The following OSBPL11 variants were observed in gnomAD, a reference collection of about 807,000 sequenced individuals.
OSBPL11 encodes oxysterol-binding protein-related protein 11.
A neutral mutation model predicts 84.4 loss-of-function variants in OSBPL11; 33 were observed. The observed-to-expected ratio is 0.39, with a 90% CI of 0.30 to 0.52. The LOEUF is 0.52. Ranked by LOEUF, OSBPL11 falls within the 20% of genes least tolerant of loss-of-function variation. The pLI is 0.72. For missense variants in OSBPL11, 736 were observed against 901.1 expected, an observed-to-expected ratio of 0.82 and a Z score of 2.35; for synonymous variants, 276 against 310.2, an observed-to-expected ratio of 0.89 and a Z score of 1.16.
rs535899714 is a variant in OSBPL11, at chr3:125,531,580, C to T, written c.2178+281G>A. ...TACTGGGATTACAGGCATGAGCCAC[C>T]GAGCCCGGCCACCCCCTAGCTCATT... On this transcript the variant is annotated intron_variant, in intron 12 of 12. Coordinates refer to ENST00000296220, the MANE Select transcript of OSBPL11 (RefSeq NM_022776.5). 4.6e-5 allele frequency among the ~76,000 whole-genome samples: 7 copies of T among 152,164 alleles called. No homozygotes were observed. The South Asian group carries it at 8.3e-4, about 18-fold the overall frequency.
At chr3:125,572,785 A>C (rs1292653686) in intron 5 of OSBPL11, among the ~76,000 whole-genome samples, 1 of 149,220 alleles carries the variant, frequency 6.7e-6, no homozygotes, top group African/African-American at 2.4e-5. Context: ...CTTTATCAGC[A>C]GTATGAATAT....
At chr3:125,576,018 T>A (rs1936316336) in intron 5 of OSBPL11, among the ~76,000 whole-genome samples, 171 bp downstream of exon 5, 2 of 149,048 alleles carry the variant, frequency 1.3e-5, no homozygotes, top group South Asian at 4.4e-4. Context: ...TGAGGAAACT[T>A]AGGACACTAT....
At chr3:125,572,758 C>T (rs1186385955) in intron 5 of OSBPL11, among the ~76,000 whole-genome samples, 1 of 150,638 alleles carries the variant, frequency 6.6e-6, no homozygotes, top group Non-Finnish European at 1.5e-5. Context: ...GTATAAATTA[C>T]CCAGTCTCGG....
chr3:125,585,212 C>T (rs1388955339), intron 1 of OSBPL11, among the ~76,000 whole-genome samples: 1 of 152,154 alleles, frequency 6.6e-6, no homozygotes, highest in Non-Finnish European at 1.5e-5. Context: ...CTCACTGCAA[C>T]CTTCGCCTCT....
Position 125,557,651 on chromosome 3 carries a change from T to C in OSBPL11, c.1155+2728A>G, listed in dbSNP as rs927322277. On this transcript the variant is annotated intron_variant, in intron 8 of 12. Transcript: ENST00000296220. ...CCTCAGCTTCCCAAAGTGTTGGAAT[T>C]ATAGGTGTGAGCCATGGCACCCAGC... is the stretch of plus-strand genomic sequence containing the variant. 2.6e-5 allele frequency among the ~76,000 whole-genome samples: 4 copies of C among 151,898 alleles called. No homozygotes were observed. The South Asian group carries it at 8.3e-4, about 32-fold the overall frequency.
At chr3:125,540,983 A>G (rs1412827452) in intron 10 of OSBPL11, among the ~76,000 whole-genome samples, 1 of 152,250 alleles carries the variant, frequency 6.6e-6, no homozygotes, top group Non-Finnish European at 1.5e-5. Context: ...TTCCATAAAG[A>G]GCCAGAAAGT....
At chr3:125,537,818 CA>C (rs1310236068) in intron 11 of OSBPL11, among the ~76,000 whole-genome samples, 1 of 152,116 alleles carries the variant, frequency 6.6e-6, no homozygotes, top group Admixed American at 6.6e-5. Flanking sequence ...CAACCACTGT[CA>C]ACACATTTTG....
Position 125,560,376 on chromosome 3 carries a change from T to C in OSBPL11, c.1155+3A>G. 6.5e-7 allele frequency: 1 copy of C among 1,539,266 alleles called. No homozygotes were observed. The highest frequency in any genetic ancestry group is 8.8e-7 in the Non-Finnish European group (1 of 1,134,440). On this transcript the variant is annotated splice_donor_region_variant and intron_variant, in intron 8 of 12. Coordinates refer to ENST00000296220, the MANE Select transcript of OSBPL11 (RefSeq NM_022776.5). ...TCCATAGCCAGCTTATGCCATTACT[T>C]ACTCTTGTTAAATCCATGCCCAGCT...
intron 10 of OSBPL11, among the ~76,000 whole-genome samples, chr3:125,542,923 G>A (rs919955717): frequency 6.6e-6 from 1 of 152,106 alleles, no homozygotes; most frequent in Non-Finnish European, 1.5e-5. Context: ...GAGATTACAG[G>A]CATGAGCCAC....
At chr3:125,535,931 A>G in intron 11 of OSBPL11, among the ~76,000 whole-genome samples, 1 of 151,304 alleles carries the variant, frequency 6.6e-6, no homozygotes, top group African/African-American at 2.4e-5. Context: ...TCAGGAGTTC[A>G]AGACCAGCCT....
intron 1 of OSBPL11, among the ~76,000 whole-genome samples, chr3:125,592,929 C>CT (rs1201006147): frequency 6.6e-6 from 1 of 152,144 alleles, no homozygotes; most frequent in Non-Finnish European, 1.5e-5. Context: ...AAGTGTAAAT[C>CT]TTTGTCATCT....
chr3:125,579,036 G>T lies in OSBPL11; in HGVS notation c.413C>A (p.Thr138Lys). The change falls in exon 4 of 13, where the codon ACA becomes AAA. Residue 138 changes from threonine (T) to lysine (K), a missense_variant. This residue lies in a region of OSBPL11 where 43 missense variants were observed against 78.7 expected (regional missense o/e 0.55). Transcript: ENST00000296220. The stretch of plus-strand genomic sequence containing the variant: ...CCAGTGCTGTCGCTCTTTTGCATCT[G>T]TAGCTGTTAAAAGAATGTAAAAATT... ...ASGEQYKLRA[T>K]DAKERQHWVS... 1 of 1,583,322 alleles carries T rather than the reference G, an allele frequency of 6.3e-7. No homozygotes were observed. Among genetic ancestry groups the T allele is most frequent in the Non-Finnish European group, 8.6e-7 (1 of 1,162,694 alleles).
chr3:125,564,701 C>A (rs1373228612), intron 6 of OSBPL11, among the ~76,000 whole-genome samples: 2 of 150,276 alleles, frequency 1.3e-5, no homozygotes, highest in Non-Finnish European at 2.9e-5. Context: ...ATTGCCCATG[C>A]TGGAGTGCAG....
chr3:125,564,935 G>A (rs1428138006), intron 6 of OSBPL11, among the ~76,000 whole-genome samples: 3 of 152,188 alleles, frequency 2.0e-5, no homozygotes, highest in Non-Finnish European at 4.4e-5. Flanking sequence ...GATTACAGGC[G>A]TGAGCCACCA....
intron 6 of OSBPL11, 104 bp downstream of exon 6, chr3:125,567,290 C>CA: frequency 9.7e-7 from 1 of 1,031,256 alleles, no homozygotes. Context: ...GTTTTCTTCT[C>CA]CTTTTTTTAA....
rs1935535046 is a variant in OSBPL11 at position 125,530,119 on chromosome 3, A to G, written c.*396T>C. On this transcript the variant is annotated 3_prime_UTR_variant, in exon 13 of 13. Coordinates refer to ENST00000296220, the MANE Select transcript of OSBPL11 (RefSeq NM_022776.5). ...CAGTTATGGACAGAAAGAAAGACACAAACTCTGAAACGGAGACTTCACTTT... is the reference window on the plus strand; with the variant it reads ...CAGTTATGGACAGAAAGAAAGACACGAACTCTGAAACGGAGACTTCACTTT... The G allele has an allele frequency of 5.4e-6, 1 of 185,576 alleles. No homozygotes were observed. The highest frequency in any genetic ancestry group is 1.1e-5 in the Non-Finnish European group (1 of 87,008). The allele number at this position is 185,576 out of a possible 1,614,324, so 11.5% of individuals were successfully genotyped here.
chr3:125,558,742 A>T (rs1936030469), intron 8 of OSBPL11, among the ~76,000 whole-genome samples: 1 of 152,242 alleles, frequency 6.6e-6, no homozygotes, highest in Non-Finnish European at 1.5e-5. Context: ...AAGACAAATT[A>T]AGGCACACTA....
chr3:125,589,146 C>T (rs1426434097), intron 1 of OSBPL11, among the ~76,000 whole-genome samples: 1 of 151,902 alleles, frequency 6.6e-6, no homozygotes, highest in African/African-American at 2.4e-5. Flanking sequence ...GTCAGGAGTT[C>T]GAAATCAGCC....
chr3:125,588,876 A>G (rs914027726), intron 1 of OSBPL11, among the ~76,000 whole-genome samples: 6 of 152,314 alleles, frequency 3.9e-5, no homozygotes, highest in South Asian at 2.1e-4. Flanking sequence ...AAAAAATTCA[A>G]CTCGCAGACT....
Sources: gnomAD v4.1 joint callset for allele counts (sites outside exome capture counted in the v4.1 genomes callset) on GRCh38, gnomAD v4.1.1 for gene constraint, gnomAD v4.1.1 regional missense constraint, MANE v1.5 for transcripts, NCBI Gene and HGNC (gene_info 2026-07-23, HGNC 2026-07-21) for gene names.